Variants in EP400 observed in about 807,000 individuals in gnomAD.
EP400 encodes the protein E1A binding protein p400, also known as E1A-binding protein p400.
A neutral mutation model predicts 354.1 loss-of-function variants in EP400; 105 were observed. The observed-to-expected ratio is 0.30, with a 90% CI of 0.25 to 0.35. The LOEUF is 0.35. Among genes scored for constraint, EP400 ranks in the 10% least tolerant of loss-of-function variants. EP400 has a pLI of 1.00. For synonymous variants in EP400, 1,646 were observed against 1,716.9 expected (o/e 0.96, Z 1.02); for missense variants, 3,280 against 4,121.0 (o/e 0.80, Z 5.59).
Position 132,013,108 on chromosome 12 carries a change from G to A in EP400, c.3541G>A (p.Val1181Ile), listed in dbSNP as rs1893817949. ...CACACGAGTGCGCTGGAAGTGCCTGGTCATTGATGAGATGCAGCGCGTGAA... is the reference window on the plus strand; with the variant it reads ...CACACGAGTGCGCTGGAAGTGCCTGATCATTGATGAGATGCAGCGCGTGAA... ...AFTRVRWKCL[V>I]IDEMQRVKGM... Residue 1181 changes from valine (V) to isoleucine (I), a missense_variant, in exon 17 of 53, where the codon GTC (valine) becomes ATC (isoleucine). By Grantham distance (29) the Val-to-Ile change is conservative (BLOSUM62 3). Around this residue, in one of 20 missense-constraint regions of EP400, gnomAD observed 242 missense variants for 357.9 expected, o/e 0.68. Transcript: ENST00000389561. This position sits in a 1 kb window ranked among gnomAD's most constrained non-coding sequence, Gnocchi z 4.5. 1 of 1,614,034 alleles carries A rather than the reference G, an allele frequency of 6.2e-7. No homozygotes were observed. Among genetic ancestry groups the A allele is most frequent in the Non-Finnish European group, 8.5e-7 (1 of 1,180,046 alleles).
chr12:131,952,799 T>C (rs989617292), intron 1 of EP400, among the ~76,000 whole-genome samples: 2 of 152,176 alleles, frequency 1.3e-5, no homozygotes, highest in Non-Finnish European at 2.9e-5. Flanking sequence ...AACGTACCGG[T>C]TTGTCTGTTG....
Position 132,050,177 on chromosome 12 carries a change from A to T in EP400, c.7201-146A>T. 1.0e-6 allele frequency: 1 copy of T among 984,224 alleles called. No homozygotes were observed. Among genetic ancestry groups the T allele is most frequent in the Non-Finnish European group, 1.5e-6 (1 of 672,234 alleles). The allele number at this position is 984,224 out of a possible 1,614,324, so 61.0% of individuals were successfully genotyped here. On this transcript the variant is annotated intron_variant, in intron 39 of 52. Transcript: ENST00000389561. This position sits in a 1 kb window ranked among gnomAD's most constrained non-coding sequence, Gnocchi z 4.8. ...GCCGCTGCTGTTGGGTTATGCCTGA[A>T]CTTGGAAAGAAGGCCCAGGAAAAGG...
At chr12:131,963,553 G>A in intron 2 of EP400, 2 of 1,598,378 alleles carry the variant, frequency 1.3e-6, no homozygotes. Context: ...GACAGGAAAG[G>A]ATGGGCAGAC....
rs561084873 is a variant in EP400 at position 132,055,751 on chromosome 12, G to GGTGT, written c.7884+545_7884+546insGTGT. ...GGGGTGTGTGTGTGAAGTGTAGGAG[G>GGTGT]GTATGTGTGTGTGTGTGTGTGAACT... On this transcript the variant is annotated intron_variant, in intron 45 of 52. Coordinates refer to ENST00000389561, the MANE Select transcript of EP400 (RefSeq NM_015409.5). 5.7e-3 allele frequency among the ~76,000 whole-genome samples: 854 copies of GGTGT among 149,204 alleles called. 28 individuals are homozygous for GGTGT. In the South Asian group the frequency reaches 0.079, roughly 14 times the overall value.
At chr12:132,063,600 A>G (rs1471599529) in intron 47 of EP400, among the ~76,000 whole-genome samples, 2 of 152,216 alleles carry the variant, frequency 1.3e-5, no homozygotes, top group Non-Finnish European at 2.9e-5. Flanking sequence ...TAAAGACAAG[A>G]CAATATTTTG....
At chr12:132,004,335 T>C (rs905035054) in intron 12 of EP400, among the ~76,000 whole-genome samples, 2 of 152,248 alleles carry the variant, frequency 1.3e-5, no homozygotes, top group African/African-American at 4.8e-5. Context: ...CTTTACACTT[T>C]TATGTATGTA....
At chr12:131,980,958 G>A (rs1166544336) in intron 3 of EP400, among the ~76,000 whole-genome samples, 1 of 152,106 alleles carries the variant, frequency 6.6e-6, no homozygotes, top group Admixed American at 6.5e-5. Flanking sequence ...AAAAGGACAG[G>A]GCCAGTTTTC....
Position 132,050,685 on chromosome 12 carries a change from C to T in EP400, c.7394+30C>T. ...TTCTCTATTCGTGACACATTTGTTACTGTTTGGAAGGATTTCATTCCAGTG... is the reference window on the plus strand; with the variant it reads ...TTCTCTATTCGTGACACATTTGTTATTGTTTGGAAGGATTTCATTCCAGTG... On this transcript the variant is annotated intron_variant, in intron 41 of 52. Transcript: ENST00000389561. This position sits in a 1 kb window ranked among gnomAD's most constrained non-coding sequence, Gnocchi z 4.8. 1 of 1,613,676 alleles carries T rather than the reference C, an allele frequency of 6.2e-7. No homozygotes were observed. The highest frequency in any genetic ancestry group is 8.5e-7 in the Non-Finnish European group (1 of 1,179,584).
At chr12:132,014,007 G>A (rs773025259) in intron 19 of EP400, 94 bp downstream of exon 19, 37 of 1,529,008 alleles carry the variant, frequency 2.4e-5, no homozygotes, top group Non-Finnish European at 2.9e-5. Flanking sequence ...GCTCCTTTCC[G>A]CAAGGATTGG....
At chr12:132,036,232 TGGAA>T (rs768964302) in intron 30 of EP400, among the ~76,000 whole-genome samples, 22 of 144,794 alleles carry the variant, frequency 1.5e-4, no homozygotes, top group Non-Finnish European at 1.6e-4. Flanking sequence ...CGGAACGTCA[TGGAA>T]GGACACACCC....
At chr12:131,955,471 G>A (rs1891664479) in intron 1 of EP400, among the ~76,000 whole-genome samples, 1 of 151,778 alleles carries the variant, frequency 6.6e-6, no homozygotes, top group African/African-American at 2.4e-5. Context: ...TGGTAGGGAT[G>A]GGGTTTCTCC....
intron 48 of EP400, chr12:132,065,218 A>G (rs1593386227): frequency 2.5e-6 from 1 of 398,910 alleles, no homozygotes; most frequent in Non-Finnish European, 4.6e-6. Context: ...GTGTGGCTGG[A>G]GCAGAGGGCG....
Position 132,077,613 on chromosome 12 carries a change from G to A in EP400, c.9312G>A (p.Lys3104=), listed in dbSNP as rs1357466204. ...CCGACAGCCCAAGCCAGCAGCCCAA[G>A]TTACAGATGAGGGTCCCTGCTGTCA... ...ASSDSPSQQP[K]LQMRVPAVRL... Residue 3104 remains lysine (K), a synonymous_variant, in exon 53 of 53, where the codon AAG becomes AAA. Transcript: ENST00000389561. 3 of 1,613,832 alleles carry A rather than the reference G, an allele frequency of 1.9e-6. No homozygotes were observed. In the Admixed American group the frequency reaches 5.0e-5, roughly 27 times the overall value.
intron 29 of EP400, 75 bp from the exon 30 acceptor site, chr12:132,031,878 A>G (rs1894518140): frequency 6.9e-7 from 1 of 1,455,086 alleles, no homozygotes; most frequent in Non-Finnish European, 9.4e-7. Flanking sequence ...TTTCTAATTA[A>G]TAAATGTTGA....
intron 16 of EP400, among the ~76,000 whole-genome samples, chr12:132,012,312 C>A (rs958106687): frequency 6.6e-6 from 1 of 152,134 alleles, no homozygotes; most frequent in African/African-American, 2.4e-5. Flanking sequence ...TCTCACAGTT[C>A]TGGAGGCTGT....
In EP400 at chr12:131,961,514, G is replaced by A. The variant is rs771710390; in HGVS notation, c.895G>A (p.Gly299Ser). Reference protein sequence around the residue: ...PRPLGFERTPGVLLPGAGGAA... With the variant: ...PRPLGFERTPSVLLPGAGGAA... ...GCCCCTGGGCTTCGAGAGGACACCCGGCGTGCTGCTCCCCGGGGCTGGGGG... is the reference window on the plus strand; with the variant it reads ...GCCCCTGGGCTTCGAGAGGACACCCAGCGTGCTGCTCCCCGGGGCTGGGGG... The change falls in exon 2 of 53, where the codon GGC becomes AGC. Residue 299 changes from glycine (G) to serine (S), a missense_variant. Physicochemically the swap from Gly to Ser is moderately conservative, Grantham distance 56 (BLOSUM62 0). Around this residue, in one of 20 missense-constraint regions of EP400, gnomAD observed 85 missense variants for 180.3 expected, o/e 0.47. Coordinates refer to ENST00000389561, the MANE Select transcript of EP400 (RefSeq NM_015409.5). 8.2e-6 allele frequency: 13 copies of A among 1,579,976 alleles called. No individual in the cohort carries two copies. In the African/African-American group the frequency reaches 9.5e-5, roughly 12 times the overall value.
chr12:131,993,953 A>G (rs1185594967), intron 11 of EP400, among the ~76,000 whole-genome samples: 3 of 152,240 alleles, frequency 2.0e-5, no homozygotes, highest in African/African-American at 7.2e-5. Flanking sequence ...AGAAGGCCAA[A>G]TTAACCACCC....
At chr12:131,991,313 T>G in intron 9 of EP400, 94 bp from the exon 10 acceptor site, 9 of 1,202,244 alleles carry the variant, frequency 7.5e-6, no homozygotes, top group Non-Finnish European at 9.9e-6. Flanking sequence ...TCCCTGCACG[T>G]GGGTGGAGGC....
chr12:132,013,435 T>A lies in EP400; in HGVS notation c.3612-55T>A. The A allele has an allele frequency of 6.6e-7, 1 of 1,514,512 alleles. No homozygotes were observed. Among genetic ancestry groups the A allele is most frequent in the Non-Finnish European group, 8.8e-7 (1 of 1,130,848 alleles). The allele number at this position is 1,514,512 out of a possible 1,614,324, so 93.8% of individuals were successfully genotyped here. A position where few individuals can be genotyped will look rare whatever the true frequency, so the allele number is the denominator to read the frequency against. On this transcript the variant is annotated intron_variant, in intron 17 of 52. Transcript: ENST00000389561. This position sits in a 1 kb window ranked among gnomAD's most constrained non-coding sequence, Gnocchi z 4.5. ...CACACATTGTCAGAGAAGATGCTGC[T>A]GCAGCCAGCCCCGTGGCTGTAGAAC...
Sources: allele counts gnomAD v4.1 joint callset (sites outside exome capture counted in the v4.1 genomes callset), GRCh38; gene constraint gnomAD v4.1.1; regional missense constraint gnomAD v4.1.1; non-coding constraint Gnocchi (gnomAD v3.1); transcripts MANE v1.5; gene names NCBI Gene and HGNC (gene_info 2026-07-23, HGNC 2026-07-21).